The following IL6R variants were observed in gnomAD, a reference collection of about 807,000 sequenced individuals.
IL6R encodes the protein interleukin-6 receptor subunit alpha.
A neutral mutation model predicts 48.3 loss-of-function variants in IL6R; 38 were observed. That is an observed-to-expected ratio of 0.79 (90% CI 0.61 to 1.03). The LOEUF (loss-of-function observed/expected upper bound fraction) is 1.03, where lower values mean the gene tolerates loss of function less well. Ranked by LOEUF, IL6R falls within the 50% of genes least tolerant of loss-of-function variation. IL6R has a pLI of 0.00. For synonymous variants in IL6R, 264 were observed against 256.2 expected (o/e 1.03, Z -0.29); for missense variants, 534 against 618.3 (o/e 0.86, Z 1.45).
chr1:154,465,038 C>T, intron 9 of IL6R, 96 bp from the exon 10 acceptor site: 2 of 1,482,898 alleles, frequency 1.3e-6, no homozygotes, highest in Admixed American at 3.5e-5. Context: ...GCGCGCCAGG[C>T]CACCAGGGCA....
At chr1:154,406,786 A>T (rs1687746556) in intron 1 of IL6R, among the ~76,000 whole-genome samples, 1 of 151,980 alleles carries the variant, frequency 6.6e-6, no homozygotes, top group Admixed American at 6.6e-5. Flanking sequence ...TGCTTTTTGG[A>T]TGGTTGTGGT....
At position 154,455,268 on chromosome 1, in the gene IL6R, G is replaced by A. The variant is rs1010823952; in HGVS notation, c.1160+687G>A. On this transcript the variant is annotated intron_variant, in intron 9 of 9. Transcript: ENST00000368485. ...GTAATATGGTTGACAGCGTGTGCAT[G>A]CACGTGTCTGTGAAGGGGGCGCAGC... is the stretch of plus-strand genomic sequence containing the variant. Among the ~76,000 whole-genome samples the A allele has an allele frequency of 2.9e-4, 44 of 151,970 alleles. 1 individual carries two copies. Among genetic ancestry groups the A allele is most frequent in the African/African-American group, 1.0e-3 (42 of 41,344 alleles).
rs1378461482 is a variant in IL6R, at chr1:154,405,469, G to A, written c.-161G>A. ...GCGGCGCGGGGCCGAGGGACTCGCA[G>A]TGTGTGTAGAGAGCCGGGCTCCTGC... On this transcript the variant is annotated 5_prime_UTR_variant, in exon 1 of 10. In the 5' UTR this introduces an upstream ATG that the reference lacks. Transcript: ENST00000368485. The surrounding 1 kb of genome is among the most constrained non-coding windows in gnomAD (Gnocchi z 5.2). 3.3e-6 allele frequency: 2 copies of A among 613,802 alleles called. No homozygotes were observed. Among genetic ancestry groups the A allele is most frequent in the South Asian group, 2.1e-5 (1 of 46,564 alleles). 38.0% of individuals were successfully genotyped at this position (613,802 alleles called of 1,614,324 possible).
chr1:154,422,017 G>A (rs963634898), intron 1 of IL6R, among the ~76,000 whole-genome samples: 1 of 152,002 alleles, frequency 6.6e-6, no homozygotes, highest in Non-Finnish European at 1.5e-5. Flanking sequence ...TGCAATCTCA[G>A]TTCACTGCAA....
intron 8 of IL6R, among the ~76,000 whole-genome samples, chr1:154,453,245 T>A (rs1690684410): frequency 6.6e-6 from 1 of 152,134 alleles, no homozygotes; most frequent in Non-Finnish European, 1.5e-5. Flanking sequence ...TGATGAAATG[T>A]TAATAAATGA....
intron 4 of IL6R, 60 bp downstream of exon 4, chr1:154,434,760 A>C: frequency 6.7e-7 from 1 of 1,502,116 alleles, no homozygotes; most frequent in Non-Finnish European, 9.1e-7. Context: ...AATACTCCTT[A>C]TCGACTTCTC....
At chr1:154,421,090 C>T (rs1443103033) in intron 1 of IL6R, among the ~76,000 whole-genome samples, 1 of 152,208 alleles carries the variant, frequency 6.6e-6, no homozygotes, top group Non-Finnish European at 1.5e-5. Flanking sequence ...AAGCTGCTCC[C>T]TCCCTGTATG....
At chr1:154,414,528 T>C (rs1688219723) in intron 1 of IL6R, 1 of 784,188 alleles carries the variant, frequency 1.3e-6, no homozygotes, top group African/African-American at 1.7e-5. Context: ...GTCATCTTTT[T>C]GGGTGTGTTG....
chr1:154,432,303 T>C (rs1178753447), intron 3 of IL6R, among the ~76,000 whole-genome samples: 1 of 152,146 alleles, frequency 6.6e-6, no homozygotes, highest in African/African-American at 2.4e-5. Context: ...GGCTGGCAGC[T>C]TCCCAGGCCA....
At chr1:154,448,613 TA>T (rs1307540050) in intron 7 of IL6R, among the ~76,000 whole-genome samples, 3 of 152,192 alleles carry the variant, frequency 2.0e-5, no homozygotes, top group Non-Finnish European at 4.4e-5. Flanking sequence ...CTTAATTCCC[TA>T]AATGCTAAGC....
At chr1:154,427,159 C>T (rs1041652328) in intron 1 of IL6R, among the ~76,000 whole-genome samples, 4 of 152,076 alleles carry the variant, frequency 2.6e-5, no homozygotes, top group Non-Finnish European at 4.4e-5. Flanking sequence ...ACTTGTGATC[C>T]GTCTCGCCTC....
chr1:154,437,011 A>G (rs74864477), intron 6 of IL6R, among the ~76,000 whole-genome samples: 2 of 152,238 alleles, frequency 1.3e-5, no homozygotes, highest in East Asian at 3.9e-4. Context: ...CATGTTGTCA[A>G]TTACTTTTGG....
chr1:154,439,849 A>G (rs1278935006), intron 6 of IL6R, among the ~76,000 whole-genome samples: 1 of 151,800 alleles, frequency 6.6e-6, no homozygotes, highest in African/African-American at 2.4e-5. Context: ...GCTTGCTTGC[A>G]TGCCTGCCTA....
rs148648905 is a variant in IL6R, at chr1:154,433,085, C to G, written c.459-1434C>G. Among the ~76,000 whole-genome samples the G allele has an allele frequency of 2.3e-3, 353 of 152,350 alleles. 1 individual carries two copies. Among genetic ancestry groups the G allele is most frequent in the African/African-American group, 8.0e-3 (331 of 41,586 alleles). On this transcript the variant is annotated intron_variant, in intron 3 of 9. Transcript: ENST00000368485. Reference sequence around the variant, plus strand: ...CTGAGCCCCGGCCCTCTGACCCCACCTGGGCACACACGTAAAGCAGTCGGT... The same window carrying G: ...CTGAGCCCCGGCCCTCTGACCCCACGTGGGCACACACGTAAAGCAGTCGGT...
chr1:154,426,980 G>A (rs1209141589), intron 1 of IL6R, among the ~76,000 whole-genome samples: 12 of 151,124 alleles, frequency 7.9e-5, no homozygotes, highest in Non-Finnish European at 1.5e-5. Flanking sequence ...GTGCAGTGGC[G>A]TGATCTCGGC....
intron 9 of IL6R, among the ~76,000 whole-genome samples, chr1:154,456,450 G>A (rs536871539): frequency 3.3e-5 from 5 of 152,064 alleles, no homozygotes; most frequent in East Asian, 3.9e-4. Flanking sequence ...CAGATGATCC[G>A]CCCGCCTCCG....
intron 6 of IL6R, among the ~76,000 whole-genome samples, chr1:154,437,267 T>C (rs990439643): frequency 2.6e-5 from 4 of 152,106 alleles, no homozygotes; most frequent in African/African-American, 9.7e-5. Flanking sequence ...CAGCTAATTT[T>C]TTCTATTTTT....
chr1:154,422,104 G>A (rs376797045), intron 1 of IL6R, among the ~76,000 whole-genome samples: 58 of 152,076 alleles, frequency 3.8e-4, no homozygotes, highest in Non-Finnish European at 6.3e-4. Context: ...GTGCCACCAC[G>A]CCCGGCTAAT....
intron 9 of IL6R, among the ~76,000 whole-genome samples, chr1:154,459,287 C>T (rs1316850162): frequency 2.6e-5 from 4 of 152,248 alleles, no homozygotes; most frequent in Non-Finnish European, 5.9e-5. Flanking sequence ...CAGGCACAGA[C>T]AGGGCCAGTG....
Sources: allele counts gnomAD v4.1 joint callset (sites outside exome capture counted in the v4.1 genomes callset), GRCh38; gene constraint gnomAD v4.1.1; non-coding constraint Gnocchi (gnomAD v3.1); transcripts MANE v1.5; gene names NCBI Gene and HGNC (gene_info 2026-07-23, HGNC 2026-07-21).